The following ANKDD1B variants were observed in gnomAD, a reference collection of about 807,000 sequenced individuals.
The protein encoded by ANKDD1B is ankyrin repeat and death domain containing 1B, also known as ankyrin repeat and death domain-containing protein 1B.
A neutral mutation model predicts 59.7 loss-of-function variants in ANKDD1B; 57 were observed. That is an observed-to-expected ratio of 0.95 (90% confidence interval 0.77 to 1.19). The LOEUF is 1.19. Among genes scored for constraint, ANKDD1B ranks in the 50% most tolerant of loss-of-function variants. ANKDD1B has a pLI of 0.00. For missense variants in ANKDD1B, 602 were observed against 641.9 expected (o/e 0.94, Z 0.67); for synonymous variants, 216 against 239.5 (o/e 0.90, Z 0.91).
intron 9 of ANKDD1B, among the ~76,000 whole-genome samples, chr5:75,658,121 C>T (rs1775021908): frequency 6.6e-6 from 1 of 151,916 alleles, no homozygotes; most frequent in African/African-American, 2.4e-5. Flanking sequence ...TGCTTGAGCC[C>T]AGGAGTTCGA....
intron 10 of ANKDD1B, among the ~76,000 whole-genome samples, chr5:75,660,375 A>G (rs1307862507): frequency 6.6e-6 from 1 of 152,228 alleles, no homozygotes; most frequent in Admixed American, 6.5e-5. Flanking sequence ...GGCTTAGTTC[A>G]CTTAGCGTAA....
At chr5:75,660,208 T>C (rs962478457) in intron 10 of ANKDD1B, among the ~76,000 whole-genome samples, 1 of 152,250 alleles carries the variant, frequency 6.6e-6, no homozygotes, top group East Asian at 1.9e-4. Context: ...AAAACTTTCA[T>C]CTTGCAAAAG....
chr5:75,651,813 A>C (rs981443970), intron 7 of ANKDD1B, among the ~76,000 whole-genome samples: 1 of 152,228 alleles, frequency 6.6e-6, no homozygotes. Flanking sequence ...GTGACTTAAC[A>C]AACATTTATT....
At chr5:75,628,444 G>A (rs1355426287) in intron 5 of ANKDD1B, among the ~76,000 whole-genome samples, 1 of 152,192 alleles carries the variant, frequency 6.6e-6, no homozygotes, top group Non-Finnish European at 1.5e-5. Flanking sequence ...GGGATCAGAA[G>A]CTCAGGGTCT....
At chr5:75,670,121 C>A (rs1378886156) in intron 13 of ANKDD1B, among the ~76,000 whole-genome samples, 1 of 152,208 alleles carries the variant, frequency 6.6e-6, no homozygotes, top group Non-Finnish European at 1.5e-5. Context: ...ATCACATGAT[C>A]TCATAATATT....
chr5:75,670,610 G>A (rs529732085), intron 13 of ANKDD1B, among the ~76,000 whole-genome samples: 2 of 152,336 alleles, frequency 1.3e-5, no homozygotes, highest in African/African-American at 4.8e-5. Flanking sequence ...AATTGAAGAA[G>A]TGCTGGCAGT....
At chr5:75,651,610 T>G (rs16872698) in intron 7 of ANKDD1B, among the ~76,000 whole-genome samples, 20,273 of 152,132 alleles carry the variant, frequency 0.13, 3,545 homozygotes, top group African/African-American at 0.4. Context: ...CAGGAAACAG[T>G]CCTTTCTTGG....
intron 11 of ANKDD1B, among the ~76,000 whole-genome samples, chr5:75,664,133 A>G (rs1207698446): frequency 6.6e-6 from 1 of 152,180 alleles, no homozygotes; most frequent in African/African-American, 2.4e-5. Context: ...TGTTGTTTCC[A>G]TTCTAGGCTG....
chr5:75,651,904 G>A (rs183137564), intron 7 of ANKDD1B, among the ~76,000 whole-genome samples: 3 of 152,156 alleles, frequency 2.0e-5, no homozygotes, highest in African/African-American at 4.8e-5. Context: ...CCTGGTTTAC[G>A]GACAACTGTC....
At position 75,625,974 on chromosome 5, in the gene ANKDD1B, T is replaced by G. The variant is rs1025579240; in HGVS notation, c.600+19T>G. 13 of 1,501,606 alleles carry G rather than the reference T, an allele frequency of 8.7e-6. No individual in the cohort carries two copies. The African/African-American group carries it at 1.5e-4, about 18-fold the overall frequency. The allele number at this position is 1,501,606 out of a possible 1,614,324, so 93.0% of individuals were successfully genotyped here. ...TGATGAGGTGTGTTCACTTTGGTTG[T>G]GTAGGTCTTGCATACACCCCTATCA... On this transcript the variant is annotated intron_variant, in intron 5 of 13. Transcript: ENST00000601380.
intron 3 of ANKDD1B, among the ~76,000 whole-genome samples, 183 bp from the exon 4 acceptor site, chr5:75,625,464 G>A (rs1436301183): frequency 2.0e-5 from 3 of 152,096 alleles, no homozygotes; most frequent in African/African-American, 7.2e-5. Flanking sequence ...CCACTTGCCT[G>A]TACCACTTAT....
At chr5:75,620,913 C>T (rs1261931083) in intron 3 of ANKDD1B, among the ~76,000 whole-genome samples, 2 of 152,222 alleles carry the variant, frequency 1.3e-5, no homozygotes, top group African/African-American at 4.8e-5. Flanking sequence ...TTTCCTGGTC[C>T]TCTGTCTGGA....
intron 7 of ANKDD1B, among the ~76,000 whole-genome samples, chr5:75,637,651 G>A (rs1322546050): frequency 6.6e-6 from 1 of 152,090 alleles, no homozygotes; most frequent in African/African-American, 2.4e-5. Context: ...CCTATTTGAA[G>A]ATGTGTTTAG....
At position 75,671,121 on chromosome 5, in the gene ANKDD1B, C is replaced by T. The variant is rs943236858; in HGVS notation, c.*81C>T. 5 of 557,544 alleles carry T rather than the reference C, an allele frequency of 9.0e-6. No individual in the cohort carries two copies. The highest frequency in any genetic ancestry group is 1.3e-5 in the Non-Finnish European group (5 of 372,496). 34.5% of individuals were successfully genotyped at this position (557,544 alleles called of 1,614,324 possible). A position where few individuals can be genotyped will look rare whatever the true frequency, so the allele number is the denominator to read the frequency against. On this transcript the variant is annotated 3_prime_UTR_variant, in exon 14 of 14. Coordinates refer to ENST00000601380, the MANE Select transcript of ANKDD1B (RefSeq NM_001276713.2). Reference sequence around the variant, plus strand: ...TGCCATAAATTTCTTCTAGCAGTAGCACTGATTTTCAACTATGATGATGGT... The same window carrying T: ...TGCCATAAATTTCTTCTAGCAGTAGTACTGATTTTCAACTATGATGATGGT...
At chr5:75,638,427 A>T (rs1307218076) in intron 7 of ANKDD1B, among the ~76,000 whole-genome samples, 4 of 152,198 alleles carry the variant, frequency 2.6e-5, no homozygotes, top group Admixed American at 1.3e-4. Context: ...AGCTGTTGCC[A>T]GATCAGTTAG....
Position 75,611,583 on chromosome 5 carries a change from T to C in ANKDD1B, c.-52T>C, listed in dbSNP as rs1371688505. On this transcript the variant is annotated 5_prime_UTR_variant, in exon 1 of 14. Coordinates refer to ENST00000601380, the MANE Select transcript of ANKDD1B (RefSeq NM_001276713.2). The stretch of plus-strand genomic sequence containing the variant: ...ATCTGTGTCCGAGTCTGGGTCTGGA[T>C]CTGGGTCCGAGTCTGGGTCTGGCCC... 9.2e-7 allele frequency: 1 copy of C among 1,084,198 alleles called. No homozygotes were observed. The highest frequency in any genetic ancestry group is 1.1e-6 in the Non-Finnish European group (1 of 873,146). 67.2% of individuals were successfully genotyped at this position (1,084,198 alleles called of 1,614,324 possible). A position where few individuals can be genotyped will look rare whatever the true frequency, so the allele number is the denominator to read the frequency against.
At chr5:75,611,879 C>G (rs1440291889) in intron 1 of ANKDD1B, 52 bp downstream of exon 1, 6 of 1,221,040 alleles carry the variant, frequency 4.9e-6, no homozygotes, top group Non-Finnish European at 6.1e-6. Context: ...CGGGCTGGGT[C>G]GAAGGGACTT....
chr5:75,656,793 A>T lies in ANKDD1B; in HGVS notation c.996+666A>T, dbSNP rs182565359. ...AGCCTTTCCAGGGTCCCGAGGCCAG[A>T]TGAGACCTTCTGGCTGCCTCTTCCC... On this transcript the variant is annotated intron_variant, in intron 9 of 13. Transcript: ENST00000601380. 6.6e-5 allele frequency among the ~76,000 whole-genome samples: 10 copies of T among 152,346 alleles called. 1 individual carries two copies. In the East Asian group the frequency reaches 1.7e-3, roughly 26 times the overall value.
intron 3 of ANKDD1B, 97 bp downstream of exon 3, chr5:75,620,510 A>T: frequency 4.6e-6 from 3 of 652,136 alleles, no homozygotes; most frequent in Non-Finnish European, 7.8e-6. Flanking sequence ...ATACACACAA[A>T]ATATTTTAAT....
Sources: gnomAD v4.1 joint callset for allele counts (sites outside exome capture counted in the v4.1 genomes callset) on GRCh38, gnomAD v4.1.1 for gene constraint, MANE v1.5 for transcripts, NCBI Gene and HGNC (gene_info 2026-07-23, HGNC 2026-07-21) for gene names.